The following TENM3 variants were observed in gnomAD, a reference collection of about 807,000 sequenced individuals.
The protein encoded by TENM3 is teneurin-3.
In TENM3, 63 loss-of-function variants were observed where a neutral mutation model predicts 255.1. That is an observed-to-expected ratio of 0.25 (90% CI 0.20 to 0.30). The LOEUF (loss-of-function observed/expected upper bound fraction) is 0.30, where lower values mean the gene tolerates loss of function less well. Ranked by LOEUF, TENM3 falls within the 10% of genes least tolerant of loss-of-function variation. TENM3 has a pLI of 1.00. For synonymous variants in TENM3, 1,306 were observed against 1,322.3 expected (o/e 0.99, Z 0.27); for missense variants, 2,929 against 3,461.1 (o/e 0.85, Z 3.86).
chr4:182,102,382 C>G, the TENM3 span, among the ~76,000 whole-genome samples: 1 of 152,126 alleles, frequency 6.6e-6, no homozygotes, highest in Admixed American at 6.5e-5. Flanking sequence ...AGGATGACTT[C>G]GTTGATTTGC....
chr4:182,096,045 G>T, the TENM3 span, among the ~76,000 whole-genome samples: 1 of 151,412 alleles, frequency 6.6e-6, no homozygotes, highest in South Asian at 2.1e-4. Context: ...TGGGAGGATT[G>T]CCTGAGCTAG....
the TENM3 span, among the ~76,000 whole-genome samples, chr4:181,571,979 G>T: frequency 1.3e-5 from 2 of 152,120 alleles, no homozygotes; most frequent in Non-Finnish European, 2.9e-5. Flanking sequence ...TCTTTATAGT[G>T]TATATTGGCT....
the TENM3 span, among the ~76,000 whole-genome samples, chr4:181,793,166 C>A: frequency 6.6e-6 from 1 of 152,168 alleles, no homozygotes; most frequent in Non-Finnish European, 1.5e-5. Flanking sequence ...CTGTAAACTG[C>A]GCTAGACTCA....
chr4:181,833,618 C>T, the TENM3 span, among the ~76,000 whole-genome samples: 3 of 152,148 alleles, frequency 2.0e-5, no homozygotes, highest in Non-Finnish European at 4.4e-5. Flanking sequence ...CAAATTCACA[C>T]CTTTAACTGA....
the TENM3 span, among the ~76,000 whole-genome samples, chr4:181,990,456 T>A: frequency 6.6e-6 from 1 of 152,100 alleles, no homozygotes; most frequent in Non-Finnish European, 1.5e-5. Flanking sequence ...TCAGACCTAA[T>A]AGATAAGTGC....
chr4:182,714,139 T>C lies in TENM3; in HGVS notation c.2274T>C (p.Asn758=). The C allele has an allele frequency of 6.2e-7, 1 of 1,613,818 alleles. No individual in the cohort carries two copies. Among genetic ancestry groups the C allele is most frequent in the Non-Finnish European group, 8.5e-7 (1 of 1,179,724 alleles). The change falls in exon 13 of 28, where the codon AAT becomes AAC. Residue 758 remains asparagine, a synonymous_variant. Coordinates refer to ENST00000511685, the MANE Select transcript of TENM3 (RefSeq NM_001080477.4). ...ATGGAAGATGTACCCTGGACCAAAATGGCTGGCATTGTGTGTGCCAGCCTG... is the reference window on the plus strand; with the variant it reads ...ATGGAAGATGTACCCTGGACCAAAACGGCTGGCATTGTGTGTGCCAGCCTG... The part of the protein sequence containing the change: ...NSNGRCTLDQ[N]GWHCVCQPGW...
chr4:181,589,455 A>T, the TENM3 span, among the ~76,000 whole-genome samples: 26 of 152,200 alleles, frequency 1.7e-4, no homozygotes, highest in African/African-American at 5.8e-4. Context: ...TTTAAGGAAG[A>T]TTTAAAACAA....
chr4:182,764,802 A>G (rs1763538813), intron 22 of TENM3, among the ~76,000 whole-genome samples: 1 of 152,200 alleles, frequency 6.6e-6, no homozygotes, highest in Non-Finnish European at 1.5e-5. Flanking sequence ...CCTCCGGGGT[A>G]GGCGGGACTC....
the TENM3 span, among the ~76,000 whole-genome samples, chr4:182,048,702 A>G: frequency 1.3e-5 from 2 of 152,258 alleles, no homozygotes; most frequent in African/African-American, 2.4e-5. Context: ...CCTCTCAGAC[A>G]CTGTTTATTG....
the TENM3 span, among the ~76,000 whole-genome samples, chr4:181,809,766 A>G: frequency 6.6e-6 from 1 of 152,128 alleles, no homozygotes; most frequent in Non-Finnish European, 1.5e-5. Context: ...TGTAATCACA[A>G]GGGTCCTTAT....
At chr4:182,299,612 A>G (rs1033744900) in intron 1 of TENM3, among the ~76,000 whole-genome samples, 1 of 152,174 alleles carries the variant, frequency 6.6e-6, no homozygotes, top group Non-Finnish European at 1.5e-5. Flanking sequence ...TAAATTACAG[A>G]TCTTAGAGTT....
chr4:181,861,090 G>A, the TENM3 span, among the ~76,000 whole-genome samples: 2 of 152,138 alleles, frequency 1.3e-5, no homozygotes, highest in African/African-American at 4.8e-5. Context: ...TCTTCAGCAG[G>A]CCTTGTGTCC....
intron 3 of TENM3, among the ~76,000 whole-genome samples, chr4:182,413,402 A>G (rs530577869): frequency 3.4e-4 from 52 of 152,274 alleles, no homozygotes; most frequent in Non-Finnish European, 6.8e-4. Flanking sequence ...GGATCACATA[A>G]CGTCAGGAGT....
At chr4:181,977,319 C>T in the TENM3 span, among the ~76,000 whole-genome samples, 1 of 152,210 alleles carries the variant, frequency 6.6e-6, no homozygotes, top group African/African-American at 2.4e-5. Context: ...TTGCCTGTTA[C>T]ATAAGTAAAT....
At chr4:181,877,009 T>C in the TENM3 span, 1 of 152,140 alleles carries the variant, frequency 6.6e-6, no homozygotes, top group African/African-American at 2.4e-5. Context: ...ATGTAAGATA[T>C]ATATATATAA....
the TENM3 span, among the ~76,000 whole-genome samples, chr4:181,767,251 C>CAAAAAAA: frequency 2.6e-5 from 2 of 75,712 alleles, no homozygotes; most frequent in Non-Finnish European, 5.1e-5. Flanking sequence ...GACTCCGTCT[C>CAAAAAAA]AAAAAAAAAA....
the TENM3 span, among the ~76,000 whole-genome samples, chr4:181,877,518 T>C: frequency 1.3e-5 from 2 of 152,200 alleles, no homozygotes; most frequent in Admixed American, 1.3e-4. Flanking sequence ...TCAGCATTTA[T>C]GTTTATCCAT....
intron 3 of TENM3, among the ~76,000 whole-genome samples, chr4:182,470,413 T>C (rs572962887): frequency 9.8e-5 from 15 of 152,346 alleles, no homozygotes; most frequent in African/African-American, 3.4e-4. Context: ...GAAATTCTTG[T>C]TCTCAATTCT....
rs1161770859 is a variant in TENM3, at chr4:182,800,198, C to G, written c.7947C>G (p.Leu2649=). 2 of 1,586,668 alleles carry G rather than the reference C, an allele frequency of 1.3e-6. No homozygotes were observed. Among genetic ancestry groups the G allele is most frequent in the African/African-American group, 1.3e-5 (1 of 74,370 alleles). The change falls in exon 28 of 28, where the codon CTC becomes CTG. Residue 2649 remains leucine (L), a synonymous_variant. Transcript: ENST00000511685. ...RVRDGEEGAR[L]WTEGEKRQLL... is the part of the protein sequence containing the mutation. The stretch of plus-strand genomic sequence containing the variant: ...GCGACGGCGAGGAGGGCGCGCGCCT[C>G]TGGACGGAGGGCGAGAAGCGGCAGC...
Sources: allele counts gnomAD v4.1 joint callset (sites outside exome capture counted in the v4.1 genomes callset), GRCh38; gene constraint gnomAD v4.1.1; transcripts MANE v1.5; gene names NCBI Gene and HGNC (gene_info 2026-07-23, HGNC 2026-07-21).